OSBPL9: variants seen among roughly 807,000 people sequenced by gnomAD.
The protein encoded by OSBPL9 is oxysterol-binding protein-related protein 9.
In OSBPL9, 40 loss-of-function variants were observed where a neutral mutation model predicts 106.6. The ratio of observed to expected loss-of-function variants is 0.38; its 90% CI spans 0.29 to 0.49. The LOEUF (loss-of-function observed/expected upper bound fraction) is 0.49, where lower values mean the gene tolerates loss of function less well. Ranked by LOEUF, OSBPL9 falls within the 20% of genes least tolerant of loss-of-function variation. OSBPL9 has a pLI of 0.97. For missense variants in OSBPL9, 609 were observed against 887.2 expected, an observed-to-expected ratio of 0.69 and a Z score of 3.98; for synonymous variants, 269 against 295.4, an observed-to-expected ratio of 0.91 and a Z score of 0.92.
chr1:51,686,127 T>C (rs749103243), intron 3 of OSBPL9, among the ~76,000 whole-genome samples: 3 of 152,182 alleles, frequency 2.0e-5, no homozygotes, highest in Non-Finnish European at 4.4e-5. Flanking sequence ...TATTATGATA[T>C]AGAAGTGAGC....
At chr1:51,524,378 A>G in the OSBPL9 span, among the ~76,000 whole-genome samples, 1 of 152,208 alleles carries the variant, frequency 6.6e-6, no homozygotes, top group Admixed American at 6.5e-5. Flanking sequence ...TTGGTCCTGC[A>G]GGTTCTTTGG....
At chr1:51,597,423 A>ATGTG (rs71063046) in intron 1 of OSBPL9, among the ~76,000 whole-genome samples, 26 of 135,838 alleles carry the variant, frequency 1.9e-4, no homozygotes, top group African/African-American at 5.3e-4. Flanking sequence ...ATATATATAT[A>ATGTG]TGTGTGTGTG....
the OSBPL9 span, among the ~76,000 whole-genome samples, chr1:51,521,524 A>G: frequency 6.6e-6 from 1 of 152,164 alleles, no homozygotes; most frequent in Non-Finnish European, 1.5e-5. Context: ...TTTCTCATAC[A>G]GGAAAAGTAA....
chr1:51,645,648 TTTA>T (rs1474894470), intron 1 of OSBPL9, among the ~76,000 whole-genome samples: 1 of 152,130 alleles, frequency 6.6e-6, no homozygotes, highest in African/African-American at 2.4e-5. Flanking sequence ...TGATGCCCAG[TTTA>T]TTAATATTTC....
At chr1:51,679,040 A>C (rs1651940325) in intron 3 of OSBPL9, among the ~76,000 whole-genome samples, 1 of 152,236 alleles carries the variant, frequency 6.6e-6, no homozygotes, top group African/African-American at 2.4e-5. Context: ...CACTTTATGT[A>C]AGGGAAATAA....
chr1:51,768,163 G>A (rs1237329179), intron 12 of OSBPL9, among the ~76,000 whole-genome samples: 14 of 152,026 alleles, frequency 9.2e-5, no homozygotes, highest in African/African-American at 2.9e-4. Flanking sequence ...GGATGGTCTC[G>A]ATCTCCTGAC....
At position 51,786,458 on chromosome 1, in the gene OSBPL9, T is replaced by G. The variant is rs193231019; in HGVS notation, c.1909-68T>G. The G allele has an allele frequency of 1.2e-5, 13 of 1,042,110 alleles. No homozygotes were observed. In the African/African-American group the frequency reaches 1.9e-4, roughly 15 times the overall value. 64.6% of individuals were successfully genotyped at this position (1,042,110 alleles called of 1,614,324 possible). A position where few individuals can be genotyped will look rare whatever the true frequency, so the allele number is the denominator to read the frequency against. The stretch of plus-strand genomic sequence containing the variant: ...AGAGAATTTGAAGTGTCAAAAGCAC[T>G]ACAATGCATCTAACATTAGGTTAGG... On this transcript the variant is annotated intron_variant, in intron 21 of 23. Coordinates refer to ENST00000428468, the MANE Select transcript of OSBPL9 (RefSeq NM_024586.6).
At chr1:51,767,006 G>A (rs1672701475) in intron 12 of OSBPL9, among the ~76,000 whole-genome samples, 1 of 152,110 alleles carries the variant, frequency 6.6e-6, no homozygotes, top group South Asian at 2.1e-4. Context: ...TTGAACCTGG[G>A]AGGCGGAGGT....
At chr1:51,712,376 T>TGAGAGGGAGACCGTGGAAA (rs1181727206) in intron 3 of OSBPL9, among the ~76,000 whole-genome samples, 2 of 152,028 alleles carry the variant, frequency 1.3e-5, no homozygotes, top group African/African-American at 4.8e-5. Flanking sequence ...CGGCTCCACA[T>TGAGAGGGAGACCGTGGAAA]GAGAGGGAGA....
At chr1:51,544,158 C>T in the OSBPL9 span, among the ~76,000 whole-genome samples, 1 of 152,156 alleles carries the variant, frequency 6.6e-6, no homozygotes, top group Non-Finnish European at 1.5e-5. Context: ...ATTGCCATTT[C>T]ACAGATGAAG....
chr1:51,722,162 A>AATAC (rs10633295), intron 4 of OSBPL9, among the ~76,000 whole-genome samples: 1 of 146,958 alleles, frequency 6.8e-6, no homozygotes, highest in Non-Finnish European at 1.5e-5. Context: ...CTCTAAAATA[A>AATAC]ATAGATAGAT....
intron 4 of OSBPL9, among the ~76,000 whole-genome samples, chr1:51,732,577 A>G (rs1430769459): frequency 6.6e-6 from 1 of 152,150 alleles, no homozygotes; most frequent in African/African-American, 2.4e-5. Context: ...CTTATTTTCC[A>G]TCTCCAGTCA....
intron 1 of OSBPL9, among the ~76,000 whole-genome samples, chr1:51,637,315 T>TCACC (rs1645509812): frequency 6.6e-6 from 1 of 151,902 alleles, no homozygotes; most frequent in Non-Finnish European, 1.5e-5. Flanking sequence ...ACATGGTGAA[T>TCACC]CACCGTCTCT....
At chr1:51,663,613 T>C (rs1436638610) in intron 2 of OSBPL9, among the ~76,000 whole-genome samples, 1 of 152,138 alleles carries the variant, frequency 6.6e-6, no homozygotes, top group African/African-American at 2.4e-5. Flanking sequence ...AAAGGAGACA[T>C]AGAAAGCAGA....
At chr1:51,660,237 A>G (rs933268670) in intron 2 of OSBPL9, among the ~76,000 whole-genome samples, 1 of 152,198 alleles carries the variant, frequency 6.6e-6, no homozygotes, top group Admixed American at 6.5e-5. Context: ...AGCATAGGTG[A>G]TATCTTTATG....
intron 2 of OSBPL9, among the ~76,000 whole-genome samples, chr1:51,603,677 T>C (rs190927680): frequency 5.3e-4 from 81 of 152,312 alleles, no homozygotes; most frequent in African/African-American, 1.7e-3. Context: ...GAGATACTAG[T>C]AGTTAATATA....
intron 3 of OSBPL9, among the ~76,000 whole-genome samples, chr1:51,679,605 T>C (rs1004673355): frequency 5.3e-5 from 8 of 152,322 alleles, no homozygotes; most frequent in Admixed American, 3.3e-4. Flanking sequence ...AAATAAACAA[T>C]TGATAAGTTT....
At chr1:51,764,636 G>A (rs1223214542) in intron 11 of OSBPL9, among the ~76,000 whole-genome samples, 3 of 147,862 alleles carry the variant, frequency 2.0e-5, no homozygotes. Context: ...AGGCTGTAAT[G>A]CAATGGCACA....
intron 1 of OSBPL9, among the ~76,000 whole-genome samples, chr1:51,642,615 C>T (rs1038483433): frequency 6.6e-6 from 1 of 152,288 alleles, no homozygotes; most frequent in East Asian, 1.9e-4. Flanking sequence ...CTGTCCCCCT[C>T]CCCTCATGAA....
Sources: gnomAD v4.1 joint callset for allele counts (sites outside exome capture counted in the v4.1 genomes callset) on GRCh38, gnomAD v4.1.1 for gene constraint, MANE v1.5 for transcripts, NCBI Gene and HGNC (gene_info 2026-07-23, HGNC 2026-07-21) for gene names.